Variants in LCP2 observed in about 807,000 individuals in gnomAD.
LCP2 encodes the protein 76 kDa tyrosine phosphoprotein.
LCP2 carries 29 observed loss-of-function variants against 74.5 expected under a neutral mutation model. The ratio of observed to expected loss-of-function variants is 0.39; its 90% confidence interval spans 0.29 to 0.53. The LOEUF (loss-of-function observed/expected upper bound fraction) is 0.53, where lower values mean the gene tolerates loss of function less well. Ranked by LOEUF, LCP2 falls within the 20% of genes least tolerant of loss-of-function variation. The pLI is 0.72. For missense variants in LCP2, 604 were observed against 634.6 expected, an observed-to-expected ratio of 0.95 and a Z score of 0.52; for synonymous variants, 228 against 229.5, an observed-to-expected ratio of 0.99 and a Z score of 0.06.
intron 1 of LCP2, among the ~76,000 whole-genome samples, chr5:170,296,888 G>A (rs1762397795): frequency 6.6e-6 from 1 of 152,162 alleles, no homozygotes; most frequent in South Asian, 2.1e-4. Flanking sequence ...ACTCTCATAA[G>A]GCTCCAAGGA....
Position 170,256,670 on chromosome 5 carries a change from T to G in LCP2, c.1101-95A>C. On this transcript the variant is annotated intron_variant, in intron 16 of 20. Transcript: ENST00000046794. This position sits in a 1 kb window ranked among gnomAD's most constrained non-coding sequence, Gnocchi z 4.5. Reference sequence around the variant, plus strand: ...AGGGAAGCCAGGCTGCAAATGCTTCTTGATTTGGTATCACTTTCCCTGCTG... The same window carrying G: ...AGGGAAGCCAGGCTGCAAATGCTTCGTGATTTGGTATCACTTTCCCTGCTG... The G allele has an allele frequency of 1.2e-6, 1 of 865,856 alleles. No individual in the cohort carries two copies. Among genetic ancestry groups the G allele is most frequent in the East Asian group, 2.4e-5 (1 of 40,840 alleles). 53.6% of individuals were successfully genotyped at this position (865,856 alleles called of 1,614,324 possible).
chr5:170,277,555 T>C (rs1762027829), intron 3 of LCP2, among the ~76,000 whole-genome samples: 1 of 151,914 alleles, frequency 6.6e-6, no homozygotes, highest in South Asian at 2.1e-4. Context: ...GAGACCAGCC[T>C]GGCCAACATG....
Position 170,272,652 on chromosome 5 carries a change from C to T in LCP2, c.324+1649G>A, listed in dbSNP as rs942554050. 2.7e-5 allele frequency among the ~76,000 whole-genome samples: 3 copies of T among 111,956 alleles called. No homozygotes were observed. In the Admixed American group the frequency reaches 4.2e-4, roughly 16 times the overall value. The allele number at this position is 111,956 out of a possible 152,430, so 73.4% of individuals were successfully genotyped here. On this transcript the variant is annotated intron_variant, in intron 6 of 20. Coordinates refer to ENST00000046794, the MANE Select transcript of LCP2 (RefSeq NM_005565.5). Reference sequence around the variant, plus strand: ...TTGAGATGGAGTCTCTCTCTGTCACCAGGCTGGAGTAGTGCAATGGTGCAA... The same window carrying T: ...TTGAGATGGAGTCTCTCTCTGTCACTAGGCTGGAGTAGTGCAATGGTGCAA...
rs1761320822 is a variant in LCP2 at position 170,247,319 on chromosome 5, C to T, written c.*1378G>A. Reference sequence around the variant, plus strand: ...AGATTTTGTGAAACACCATTTTTATCATCAGTTAAAAGTCTCTACCTTCTG... The same window carrying T: ...AGATTTTGTGAAACACCATTTTTATTATCAGTTAAAAGTCTCTACCTTCTG... On this transcript the variant is annotated 3_prime_UTR_variant, in exon 21 of 21. Transcript: ENST00000046794. The T allele has an allele frequency of 6.6e-6, 1 of 152,206 alleles. No homozygotes were observed. Among genetic ancestry groups the T allele is most frequent in the Admixed American group, 6.5e-5 (1 of 15,288 alleles). 9.4% of individuals were successfully genotyped at this position (152,206 alleles called of 1,614,324 possible).
intron 17 of LCP2, among the ~76,000 whole-genome samples, chr5:170,254,305 A>G (rs1025718677): frequency 1.3e-5 from 2 of 152,186 alleles, no homozygotes; most frequent in African/African-American, 4.8e-5. Flanking sequence ...GGGGCTCAGA[A>G]ATCTGCATGT....
chr5:170,263,850 T>C (rs452833), intron 10 of LCP2, among the ~76,000 whole-genome samples: 29,087 of 152,144 alleles, frequency 0.19, 4,681 homozygotes, highest in African/African-American at 0.44. Flanking sequence ...TAAAACTCTA[T>C]AGGTTTGCCA....
At position 170,267,049 on chromosome 5, in the gene LCP2, G is replaced by A; in HGVS notation, c.648C>T (p.His216=). 2 of 1,613,928 alleles carry A rather than the reference G, an allele frequency of 1.2e-6. No homozygotes were observed. Among genetic ancestry groups the A allele is most frequent in the South Asian group, 1.1e-5 (1 of 91,080 alleles). ...HSPLPPPQTN[H]EEPSRSRNHK... ...GGTTTCTGCTTCTGCTGGGTTCTTCGTGGTTGGTCTGGGGTGGGGGCAGTG... is the reference window on the plus strand; with the variant it reads ...GGTTTCTGCTTCTGCTGGGTTCTTCATGGTTGGTCTGGGGTGGGGGCAGTG... Residue 216 remains histidine, a synonymous_variant, in exon 9 of 21, where the codon CAC becomes CAT. Coordinates refer to ENST00000046794, the MANE Select transcript of LCP2 (RefSeq NM_005565.5).
Position 170,260,234 on chromosome 5 carries a change from T to C in LCP2, c.957+873A>G, listed in dbSNP as rs145636719. Among the ~76,000 whole-genome samples, 7 of 152,346 alleles carry C rather than the reference T, an allele frequency of 4.6e-5. No homozygotes were observed. The East Asian group carries it at 1.3e-3, about 29-fold the overall frequency. ...CTCAGCCCCACAGAGCATCCCGTGATTGCATGCTGTCTGGCATGAGGGGTT... is the reference window on the plus strand; with the variant it reads ...CTCAGCCCCACAGAGCATCCCGTGACTGCATGCTGTCTGGCATGAGGGGTT... On this transcript the variant is annotated intron_variant, in intron 14 of 20. Coordinates refer to ENST00000046794, the MANE Select transcript of LCP2 (RefSeq NM_005565.5).
chr5:170,289,749 T>G (rs900700655), intron 2 of LCP2, among the ~76,000 whole-genome samples: 5 of 113,090 alleles, frequency 4.4e-5, no homozygotes, highest in African/African-American at 2.0e-4. Flanking sequence ...TTTCTTTTCT[T>G]TTCTTTCTCT....
At chr5:170,266,452 G>A (rs754492262) in intron 10 of LCP2, among the ~76,000 whole-genome samples, 2 of 152,190 alleles carry the variant, frequency 1.3e-5, no homozygotes, top group African/African-American at 2.4e-5. Flanking sequence ...CTCAATTCAG[G>A]TCCTCTCTCT....
At chr5:170,251,783 A>G in intron 19 of LCP2, 1 of 383,530 alleles carries the variant, frequency 2.6e-6, no homozygotes. Context: ...CAGAATAATT[A>G]GAATCTCAAG....
In LCP2 at chr5:170,256,203, T is replaced by G. The variant is rs1437322502; in HGVS notation, c.1150+323A>C. ...TGCATGTGCATGTGTGTGCATGTAT[T>G]GTGTATGTGTATATATGTGTATACC... On this transcript the variant is annotated intron_variant, in intron 17 of 20. Coordinates refer to ENST00000046794, the MANE Select transcript of LCP2 (RefSeq NM_005565.5). This position sits in a 1 kb window ranked among gnomAD's most constrained non-coding sequence, Gnocchi z 4.5. Among the ~76,000 whole-genome samples, 1 of 151,896 alleles carries G rather than the reference T, an allele frequency of 6.6e-6. No individual in the cohort carries two copies. Among genetic ancestry groups the G allele is most frequent in the Non-Finnish European group, 1.5e-5 (1 of 67,952 alleles).
chr5:170,281,998 G>A (rs552671324), intron 3 of LCP2, among the ~76,000 whole-genome samples: 14 of 152,244 alleles, frequency 9.2e-5, no homozygotes, highest in Admixed American at 3.9e-4. Context: ...TAACCAGACC[G>A]TTGTCAGCTG....
chr5:170,288,131 G>A, intron 2 of LCP2, 115 bp from the exon 3 acceptor site: 2 of 1,096,510 alleles, frequency 1.8e-6, no homozygotes, highest in African/African-American at 1.5e-5. Flanking sequence ...GTGGCAAACA[G>A]AGGAGAAACC....
intron 14 of LCP2, among the ~76,000 whole-genome samples, chr5:170,259,916 A>C (rs1761622367): frequency 6.6e-6 from 1 of 152,212 alleles, no homozygotes; most frequent in Non-Finnish European, 1.5e-5. Context: ...CATGAGCACA[A>C]GTGTCAATCC....
chr5:170,260,083 C>T (rs1761625109), intron 14 of LCP2, among the ~76,000 whole-genome samples: 1 of 152,176 alleles, frequency 6.6e-6, no homozygotes, highest in Non-Finnish European at 1.5e-5. Context: ...TGAGGGGAAT[C>T]CCCATGGGCT....
chr5:170,259,724 T>C (rs1223146900), intron 14 of LCP2, among the ~76,000 whole-genome samples: 1 of 152,104 alleles, frequency 6.6e-6, no homozygotes, highest in African/African-American at 2.4e-5. Flanking sequence ...TATCACACAC[T>C]GAGAGAAGGC....
chr5:170,253,720 T>C (rs974020581), intron 17 of LCP2, among the ~76,000 whole-genome samples: 4 of 152,208 alleles, frequency 2.6e-5, no homozygotes, highest in African/African-American at 9.7e-5. Flanking sequence ...ACCTTGAGAA[T>C]ATTGCTAGCT....
Position 170,297,714 on chromosome 5 carries a change from C to A in LCP2, c.-103G>T, listed in dbSNP as rs1762417515. ...TCGGAGGCGTTCTTGGCTCTTCCAA[C>A]TCCCAGCTACCCTGTGGAACACCCC... On this transcript the variant is annotated 5_prime_UTR_variant, in exon 1 of 21. Coordinates refer to ENST00000046794, the MANE Select transcript of LCP2 (RefSeq NM_005565.5). 6.5e-6 allele frequency: 6 copies of A among 919,476 alleles called. No individual in the cohort carries two copies. The highest frequency in any genetic ancestry group is 2.4e-5 in the Admixed American group (1 of 41,008). The allele number at this position is 919,476 out of a possible 1,614,324, so 57.0% of individuals were successfully genotyped here.
Sources: gnomAD v4.1 joint callset for allele counts (sites outside exome capture counted in the v4.1 genomes callset) on GRCh38, gnomAD v4.1.1 for gene constraint, Gnocchi (gnomAD v3.1) non-coding constraint, MANE v1.5 for transcripts, NCBI Gene and HGNC (gene_info 2026-07-23, HGNC 2026-07-21) for gene names.